Variants in POC1A observed in about 807,000 individuals in gnomAD.
The protein encoded by POC1A is POC1 centriolar protein homolog A.
Under a neutral mutation model 47.8 loss-of-function variants are expected in POC1A, and 34 were observed. That is an observed-to-expected ratio of 0.71 (90% CI 0.54 to 0.95). POC1A has a LOEUF of 0.95. POC1A is among the 40% of genes least tolerant of loss of function. The pLI is 0.00. For missense variants in POC1A, 466 were observed against 528.3 expected, an observed-to-expected ratio of 0.88 and a Z score of 1.16; for synonymous variants, 177 against 207.6, an observed-to-expected ratio of 0.85 and a Z score of 1.27.
chr3:52,091,083 A>C (rs529119323), intron 10 of POC1A, among the ~76,000 whole-genome samples: 2 of 152,288 alleles, frequency 1.3e-5, no homozygotes, highest in South Asian at 4.1e-4. Flanking sequence ...GGTCAAGCCA[A>C]CTTTCTCAGA....
intron 8 of POC1A, among the ~76,000 whole-genome samples, chr3:52,123,687 A>G (rs1252971544): frequency 6.6e-6 from 1 of 152,216 alleles, no homozygotes; most frequent in Non-Finnish European, 1.5e-5. Flanking sequence ...AATTCCTAAC[A>G]GTAGAGTGGC....
intron 9 of POC1A, among the ~76,000 whole-genome samples, chr3:52,114,051 G>A (rs1157716092): frequency 6.6e-6 from 1 of 152,084 alleles, no homozygotes; most frequent in African/African-American, 2.4e-5. Context: ...ACCTGCGTGA[G>A]GTTACAGGAG....
chr3:52,107,345 G>A (rs1033740933), intron 9 of POC1A, among the ~76,000 whole-genome samples: 2 of 152,236 alleles, frequency 1.3e-5, no homozygotes, highest in Non-Finnish European at 2.9e-5. Context: ...TCAGGAGGAA[G>A]CAGGTCCATC....
At chr3:52,091,538 T>G (rs1036088001) in intron 10 of POC1A, among the ~76,000 whole-genome samples, 4 of 152,224 alleles carry the variant, frequency 2.6e-5, no homozygotes, top group African/African-American at 9.6e-5. Flanking sequence ...AGTGTCTATG[T>G]GCACCCCAGT....
intron 9 of POC1A, among the ~76,000 whole-genome samples, chr3:52,097,233 G>T (rs1702848151): frequency 6.6e-6 from 1 of 152,234 alleles, no homozygotes; most frequent in Admixed American, 6.5e-5. Flanking sequence ...GAACTTGGTG[G>T]AAGTGTGTGT....
In POC1A at chr3:52,090,180, T is replaced by C. The variant is rs539098215; in HGVS notation, c.1125+6389A>G. On this transcript the variant is annotated intron_variant, in intron 10 of 10. Transcript: ENST00000296484. The surrounding 1 kb of genome is among the most constrained non-coding windows in gnomAD (Gnocchi z 4.2). ...CCCCACCGCATGCATTTTCAAGTCC[T>C]GGAGCCCAGCAGCCTCCATGAGTCA... 6.6e-6 allele frequency among the ~76,000 whole-genome samples: 1 copy of C among 152,316 alleles called. No homozygotes were observed. Among genetic ancestry groups the C allele is most frequent in the East Asian group, 1.9e-4 (1 of 5,186 alleles).
intron 10 of POC1A, among the ~76,000 whole-genome samples, chr3:52,096,014 G>C (rs749058547): frequency 6.6e-6 from 1 of 152,270 alleles, no homozygotes; most frequent in Admixed American, 6.5e-5. Context: ...CTAGGGCCAG[G>C]CATGGGCCAA....
chr3:52,087,483 C>T (rs1559810855), intron 10 of POC1A, among the ~76,000 whole-genome samples: 1 of 152,170 alleles, frequency 6.6e-6, no homozygotes, highest in African/African-American at 2.4e-5. Context: ...CTATGGTCCG[C>T]GGTTGTTTCA....
In POC1A at chr3:52,075,702, G is replaced by T; in HGVS notation, c.*185C>A. The T allele has an allele frequency of 1.8e-6, 1 of 549,378 alleles. No homozygotes were observed. The allele number at this position is 549,378 out of a possible 1,614,324, so 34.0% of individuals were successfully genotyped here. ...GAGCCCGGCCCACTGGGGACCTCTG[G>T]CTGCCAGGTGGAGAGCCTCCTGGTG... On this transcript the variant is annotated 3_prime_UTR_variant, in exon 11 of 11. Transcript: ENST00000296484.
intron 10 of POC1A, among the ~76,000 whole-genome samples, chr3:52,080,367 G>C (rs1702242131): frequency 6.6e-6 from 1 of 152,074 alleles, no homozygotes; most frequent in Non-Finnish European, 1.5e-5. Flanking sequence ...AAAGACTAGG[G>C]GATCCCTGTC....
chr3:52,145,971 CAG>C lies in POC1A; in HGVS notation c.564-12_564-11del. On this transcript the variant is annotated splice_polypyrimidine_tract_variant and intron_variant, in intron 5 of 10. Transcript: ENST00000296484. The stretch of plus-strand genomic sequence containing the variant: ...CACATAGGTGACAAAGCTGGAAAGA[CAG>C]GGGCCACTATGCACTATAGGAGGTC... 6.4e-7 allele frequency: 1 copy of C among 1,553,982 alleles called. No homozygotes were observed. The highest frequency in any genetic ancestry group is 8.9e-7 in the Non-Finnish European group (1 of 1,125,568).
At chr3:52,110,358 G>T (rs552191168) in intron 9 of POC1A, among the ~76,000 whole-genome samples, 1 of 152,290 alleles carries the variant, frequency 6.6e-6, no homozygotes, top group East Asian at 1.9e-4. Context: ...GTGCCATCTG[G>T]AAAGAGACTA....
At chr3:52,150,552 G>T (rs933864616) in intron 2 of POC1A, among the ~76,000 whole-genome samples, 1 of 152,158 alleles carries the variant, frequency 6.6e-6, no homozygotes. Context: ...AAGGAAGGGG[G>T]ACAGTCAGCT....
intron 9 of POC1A, among the ~76,000 whole-genome samples, chr3:52,118,869 G>T (rs1234125295): frequency 6.6e-6 from 1 of 152,172 alleles, no homozygotes; most frequent in Non-Finnish European, 1.5e-5. Context: ...TCTTTGAGAA[G>T]TCGAGCCACA....
chr3:52,098,234 GAC>G (rs1702886354), intron 9 of POC1A, among the ~76,000 whole-genome samples: 1 of 152,184 alleles, frequency 6.6e-6, no homozygotes, highest in Non-Finnish European at 1.5e-5. Flanking sequence ...TAGCAGTGCA[GAC>G]ACACACTCTT....
chr3:52,083,550 G>C lies in POC1A; in HGVS notation c.1126-7565C>G, dbSNP rs1049217694. 4.6e-5 allele frequency among the ~76,000 whole-genome samples: 7 copies of C among 152,134 alleles called. No homozygotes were observed. The East Asian group carries it at 1.4e-3, about 29-fold the overall frequency. ...CAGCCCCAGCCTCTTTTTCTCCCTG[G>C]CCTGGTTTTCTCTTGAGGTGGGCTT... On this transcript the variant is annotated intron_variant, in intron 10 of 10. Coordinates refer to ENST00000296484, the MANE Select transcript of POC1A (RefSeq NM_015426.5).
chr3:52,086,151 C>T (rs1311170756), intron 10 of POC1A, among the ~76,000 whole-genome samples: 1 of 152,184 alleles, frequency 6.6e-6, no homozygotes, highest in Non-Finnish European at 1.5e-5. Context: ...GTCTCCTCCC[C>T]ACCAACACAG....
At chr3:52,129,758 C>CGCCA (rs1704140373) in intron 7 of POC1A, among the ~76,000 whole-genome samples, 1 of 152,242 alleles carries the variant, frequency 6.6e-6, no homozygotes, top group African/African-American at 2.4e-5. Context: ...CAGACACAGC[C>CGCCA]TGGCCTCCCT....
intron 9 of POC1A, among the ~76,000 whole-genome samples, chr3:52,101,436 A>C (rs1463635255): frequency 6.6e-6 from 1 of 152,222 alleles, no homozygotes; most frequent in Non-Finnish European, 1.5e-5. Context: ...CAGTCAGTAG[A>C]AGCAGACTCA....
Sources: allele counts gnomAD v4.1 joint callset (sites outside exome capture counted in the v4.1 genomes callset), GRCh38; gene constraint gnomAD v4.1.1; non-coding constraint Gnocchi (gnomAD v3.1); transcripts MANE v1.5; gene names NCBI Gene and HGNC (gene_info 2026-07-23, HGNC 2026-07-21).